SMAP1: variants seen among roughly 807,000 people sequenced by gnomAD.
SMAP1 encodes the protein small ArfGAP 1.
Under a neutral mutation model 58.5 loss-of-function variants are expected in SMAP1, and 24 were observed. The observed-to-expected ratio is 0.41, with a 90% CI of 0.30 to 0.58. SMAP1 has a LOEUF of 0.58. Among genes scored for constraint, SMAP1 ranks in the 20% least tolerant of loss-of-function variants. The probability of loss-of-function intolerance (pLI) is 0.29; values close to 1 mark genes in which losing one functional copy is unlikely to be tolerated. For synonymous variants in SMAP1, 216 were observed against 196.6 expected, an observed-to-expected ratio of 1.10 and a Z score of -0.82; for missense variants, 563 against 566.3, an observed-to-expected ratio of 0.99 and a Z score of 0.06.
At chr6:70,675,650 CAA>C (rs571061801) in intron 1 of SMAP1, among the ~76,000 whole-genome samples, 40 of 82,458 alleles carry the variant, frequency 4.9e-4, no homozygotes, top group African/African-American at 7.3e-4. Flanking sequence ...GACTCCATCT[CAA>C]AAAAAAAAAA....
At chr6:70,732,119 A>G (rs1765454509) in intron 1 of SMAP1, among the ~76,000 whole-genome samples, 1 of 152,178 alleles carries the variant, frequency 6.6e-6, no homozygotes, top group African/African-American at 2.4e-5. Flanking sequence ...AGCTGTTTAT[A>G]TAAATTAGTT....
intron 8 of SMAP1, 80 bp downstream of exon 8, chr6:70,852,744 A>G: frequency 7.1e-7 from 1 of 1,411,528 alleles, no homozygotes; most frequent in South Asian, 1.7e-5. Context: ...TTTTGGAAGA[A>G]TTGTTTCTGA....
intron 3 of SMAP1, among the ~76,000 whole-genome samples, chr6:70,768,624 A>G (rs1259405638): frequency 6.6e-6 from 1 of 152,000 alleles, no homozygotes; most frequent in Admixed American, 6.6e-5. Context: ...TATTGCGTCT[A>G]TTTGATTCTT....
intron 10 of SMAP1, chr6:70,858,562 A>G (rs1771548146): frequency 5.2e-6 from 1 of 192,214 alleles, no homozygotes; most frequent in Non-Finnish European, 1.1e-5. Context: ...CACCTCTGAG[A>G]TTAGCACTAA....
At chr6:70,787,779 T>G (rs1768129134) in intron 4 of SMAP1, among the ~76,000 whole-genome samples, 1 of 151,626 alleles carries the variant, frequency 6.6e-6, no homozygotes, top group South Asian at 2.1e-4. Flanking sequence ...AGAATGGCAA[T>G]CATTGAAAAG....
intron 3 of SMAP1, among the ~76,000 whole-genome samples, chr6:70,770,884 C>G (rs1244088809): frequency 6.6e-6 from 1 of 152,120 alleles, no homozygotes; most frequent in African/African-American, 2.4e-5. Flanking sequence ...GTGGTTTTAT[C>G]TACTTTTGGT....
intron 1 of SMAP1, among the ~76,000 whole-genome samples, chr6:70,670,260 TA>T (rs1389668494): frequency 6.6e-6 from 1 of 152,202 alleles, no homozygotes; most frequent in African/African-American, 2.4e-5. Flanking sequence ...TTACAAGGAT[TA>T]TTTTTTTCTT....
At chr6:70,851,999 G>A (rs777125037) in intron 7 of SMAP1, among the ~76,000 whole-genome samples, 3 of 152,034 alleles carry the variant, frequency 2.0e-5, no homozygotes, top group East Asian at 1.9e-4. Flanking sequence ...CATTTCAGAT[G>A]TTTTAGATCA....
At chr6:70,714,703 A>G (rs1377929380) in intron 1 of SMAP1, among the ~76,000 whole-genome samples, 2 of 151,722 alleles carry the variant, frequency 1.3e-5, no homozygotes, top group African/African-American at 4.9e-5. Context: ...TTTTTTTGGT[A>G]TAAAAAACAA....
At chr6:70,721,695 A>C (rs1238507279) in intron 1 of SMAP1, among the ~76,000 whole-genome samples, 1 of 152,188 alleles carries the variant, frequency 6.6e-6, no homozygotes, top group Non-Finnish European at 1.5e-5. Flanking sequence ...GTTTAATTGG[A>C]CTTACAGTTC....
At chr6:70,727,724 T>C (rs1330863748) in intron 1 of SMAP1, among the ~76,000 whole-genome samples, 1 of 152,220 alleles carries the variant, frequency 6.6e-6, no homozygotes, top group Non-Finnish European at 1.5e-5. Flanking sequence ...CAGGGATTGC[T>C]AAATCTATTG....
intron 4 of SMAP1, among the ~76,000 whole-genome samples, chr6:70,780,376 G>T (rs1454235710): frequency 3.9e-5 from 6 of 152,122 alleles, no homozygotes. Flanking sequence ...AGGAGTTTGA[G>T]ACCAGTTTGG....
chr6:70,730,966 A>G (rs138361051), intron 1 of SMAP1, among the ~76,000 whole-genome samples: 76 of 152,058 alleles, frequency 5.0e-4, no homozygotes, highest in African/African-American at 1.5e-3. Flanking sequence ...TGCCTGGCTA[A>G]TTTTTGTATT....
rs1316304856 is a variant in SMAP1 at position 70,860,255 on chromosome 6, T to G, written c.1325T>G (p.Phe442Cys). 1.9e-6 allele frequency: 3 copies of G among 1,613,630 alleles called. No individual in the cohort carries two copies. The African/African-American group carries it at 4.0e-5, about 22-fold the overall frequency. Residue 442 changes from phenylalanine to cysteine, a missense_variant, in exon 11 of 11, where the codon TTT becomes TGT. Physicochemically the swap from Phe to Cys is radical, Grantham distance 205 (BLOSUM62 -2). Around this residue, in one of 3 missense-constraint regions of SMAP1, gnomAD observed 494 missense variants for 473.8 expected, o/e 1.04. Coordinates refer to ENST00000370455, the MANE Select transcript of SMAP1 (RefSeq NM_001044305.3). ...AGTAGTGCAACCCCTACTGCAGGTT[T>G]TGGCCAGCCCTCCAGCACAACAGCA... ...SISSATPTAG[F>C]GQPSSTTAGW...
intron 7 of SMAP1, among the ~76,000 whole-genome samples, chr6:70,847,687 T>C (rs1314459804): frequency 6.6e-6 from 1 of 152,198 alleles, no homozygotes; most frequent in Non-Finnish European, 1.5e-5. Flanking sequence ...TTTCTTGTAC[T>C]CTGGATCTCC....
chr6:70,758,463 A>G (rs1766606737), intron 3 of SMAP1, among the ~76,000 whole-genome samples: 1 of 151,532 alleles, frequency 6.6e-6, no homozygotes, highest in East Asian at 1.9e-4. Flanking sequence ...TGGCACATGT[A>G]TACATATGTA....
intron 1 of SMAP1, among the ~76,000 whole-genome samples, chr6:70,710,024 A>G (rs188102792): frequency 2.4e-4 from 37 of 152,204 alleles, no homozygotes; most frequent in African/African-American, 8.7e-4. Flanking sequence ...CATAGAGTGT[A>G]CTTACACAAA....
intron 1 of SMAP1, among the ~76,000 whole-genome samples, chr6:70,702,002 C>T (rs1003732117): frequency 4.6e-5 from 7 of 152,126 alleles, no homozygotes; most frequent in African/African-American, 9.7e-5. Context: ...AAAAGTTCTA[C>T]GTTGACAGTA....
At chr6:70,752,019 G>A (rs900377599) in intron 2 of SMAP1, among the ~76,000 whole-genome samples, 3 of 152,118 alleles carry the variant, frequency 2.0e-5, no homozygotes, top group Admixed American at 2.0e-4. Flanking sequence ...AAGGAATAAT[G>A]TTTTAACAAC....
Sources: allele counts gnomAD v4.1 joint callset (sites outside exome capture counted in the v4.1 genomes callset), GRCh38; gene constraint gnomAD v4.1.1; regional missense constraint gnomAD v4.1.1; transcripts MANE v1.5; gene names NCBI Gene and HGNC (gene_info 2026-07-23, HGNC 2026-07-21).